Variants in GSE1 observed in about 807,000 individuals in gnomAD.
GSE1 encodes the protein Gse1 coiled-coil protein.
Under a neutral mutation model 112.6 loss-of-function variants are expected in GSE1, and 32 were observed. That is an observed-to-expected ratio of 0.28 (90% CI 0.21 to 0.38). The LOEUF (loss-of-function observed/expected upper bound fraction) is 0.38. Ranked by LOEUF, GSE1 falls within the 10% of genes least tolerant of loss-of-function variation. GSE1 has a pLI of 1.00. For synonymous variants in GSE1, 1,115 were observed against 735.6 expected, an observed-to-expected ratio of 1.52 and a Z score of -8.35; for missense variants, 2,348 against 1,699.2, an observed-to-expected ratio of 1.38 and a Z score of -6.71.
intron 1 of GSE1, among the ~76,000 whole-genome samples, chr16:85,328,015 G>A (rs1307683165): frequency 2.0e-5 from 3 of 152,202 alleles, no homozygotes. Flanking sequence ...CTGTGGTCAA[G>A]TGGACCCCCA....
At chr16:85,486,577 G>A (rs1020574201) in intron 2 of GSE1, among the ~76,000 whole-genome samples, 7 of 152,342 alleles carry the variant, frequency 4.6e-5, no homozygotes, top group East Asian at 3.9e-4. Flanking sequence ...GTGTGGAACC[G>A]TCCACGGCTC....
At chr16:85,277,712 A>T (rs543998393) in intron 1 of GSE1, among the ~76,000 whole-genome samples, 1 of 152,180 alleles carries the variant, frequency 6.6e-6, no homozygotes, top group African/African-American at 2.4e-5. Context: ...ACCCCTACAA[A>T]GCATCTCCTC....
chr16:85,626,692 TACAGAGC>T (rs1273568998), intron 1 of GSE1, among the ~76,000 whole-genome samples: 1 of 152,100 alleles, frequency 6.6e-6, no homozygotes, highest in East Asian at 1.9e-4. Context: ...AGCTTGTAAT[TACAGAGC>T]ACAGAGGGAG....
At chr16:85,364,290 C>T (rs1181048015) in intron 2 of GSE1, among the ~76,000 whole-genome samples, 1 of 152,190 alleles carries the variant, frequency 6.6e-6, no homozygotes, top group Admixed American at 6.5e-5. Flanking sequence ...CTTCTCCTGC[C>T]CCCCTCTCCT....
intron 1 of GSE1, among the ~76,000 whole-genome samples, chr16:85,315,955 C>G (rs2045977082): frequency 6.6e-6 from 1 of 152,208 alleles, no homozygotes; most frequent in Non-Finnish European, 1.5e-5. Flanking sequence ...GGAGCAGGAC[C>G]AGGCTGGAGG....
chr16:85,427,032 C>T (rs1435616222), intron 2 of GSE1, among the ~76,000 whole-genome samples: 3 of 152,122 alleles, frequency 2.0e-5, no homozygotes, highest in Admixed American at 6.5e-5. Flanking sequence ...AGGCTGTCCC[C>T]GCTTCTGTCC....
intron 1 of GSE1, among the ~76,000 whole-genome samples, chr16:85,307,810 C>G (rs1339438009): frequency 6.6e-6 from 1 of 152,194 alleles, no homozygotes; most frequent in Non-Finnish European, 1.5e-5. Flanking sequence ...GCTAAGCCCT[C>G]AGGTAAACAA....
intron 2 of GSE1, among the ~76,000 whole-genome samples, chr16:85,642,439 C>G (rs1308464798): frequency 6.6e-6 from 1 of 151,862 alleles, no homozygotes; most frequent in Non-Finnish European, 1.5e-5. Context: ...GGCACCTGCC[C>G]CTGCATGGTT....
At chr16:85,671,322 C>A (rs1015678476) in intron 15 of GSE1, among the ~76,000 whole-genome samples, 9 of 150,988 alleles carry the variant, frequency 6.0e-5, no homozygotes, top group African/African-American at 2.2e-4. Flanking sequence ...CGCCTGTAGT[C>A]CCAGCTACTT....
At chr16:85,248,476 G>A (rs1357062379) in intron 1 of GSE1, among the ~76,000 whole-genome samples, 4 of 147,022 alleles carry the variant, frequency 2.7e-5, no homozygotes, top group Admixed American at 1.4e-4. Flanking sequence ...TTTTCCCTCC[G>A]TCTTTCTCTC....
At chr16:85,469,942 C>T (rs906185557) in intron 2 of GSE1, among the ~76,000 whole-genome samples, 2 of 152,202 alleles carry the variant, frequency 1.3e-5, no homozygotes, top group Non-Finnish European at 2.9e-5. Flanking sequence ...CCCCAGGACC[C>T]CATCCTCACT....
At chr16:85,225,836 A>G (rs547357368) in intron 1 of GSE1, among the ~76,000 whole-genome samples, 1 of 152,354 alleles carries the variant, frequency 6.6e-6, no homozygotes, top group Admixed American at 6.5e-5. Context: ...TCTGTGTGAC[A>G]GAAATTAAGG....
At chr16:85,654,505 A>T in intron 4 of GSE1, 55 bp downstream of exon 4, 1 of 1,442,718 alleles carries the variant, frequency 6.9e-7, no homozygotes, top group Non-Finnish European at 9.5e-7. Flanking sequence ...CACAGTGCTC[A>T]GGGTCTGGGT....
At chr16:85,414,018 C>T (rs1440485222) in intron 2 of GSE1, among the ~76,000 whole-genome samples, 1 of 152,216 alleles carries the variant, frequency 6.6e-6, no homozygotes, top group Non-Finnish European at 1.5e-5. Context: ...CCTGAGGCCT[C>T]CCCAGCCATG....
chr16:85,626,412 T>A (rs142111048), intron 1 of GSE1, among the ~76,000 whole-genome samples: 250 of 152,330 alleles, frequency 1.6e-3, no homozygotes, highest in African/African-American at 5.6e-3. Context: ...CTTCGCCCCT[T>A]TGGGGGAGTG....
chr16:85,477,287 A>G (rs2050488405), intron 2 of GSE1, among the ~76,000 whole-genome samples: 1 of 152,174 alleles, frequency 6.6e-6, no homozygotes, highest in Non-Finnish European at 1.5e-5. Flanking sequence ...CGGGTGCCCA[A>G]AACACGTATA....
At chr16:85,473,504 GAGAGA>G (rs1372174187) in intron 2 of GSE1, among the ~76,000 whole-genome samples, 4 of 152,178 alleles carry the variant, frequency 2.6e-5, no homozygotes, top group Non-Finnish European at 5.9e-5. Flanking sequence ...CCAGGGCTCC[GAGAGA>G]AGACCCTCCC....
chr16:85,201,741 C>T (rs1405109745), intron 1 of GSE1, among the ~76,000 whole-genome samples: 1 of 152,172 alleles, frequency 6.6e-6, no homozygotes, highest in Non-Finnish European at 1.5e-5. Context: ...GGCCGTGCCC[C>T]ACAGTTCCAG....
chr16:85,246,433 CTACACACACACA>C (rs1567636265), intron 1 of GSE1, among the ~76,000 whole-genome samples: 1 of 45,426 alleles, frequency 2.2e-5, no homozygotes, highest in Admixed American at 2.3e-4. Context: ...CCCATGCTCT[CTACACACACACA>C]CACACACACA....
Sources: allele counts gnomAD v4.1 joint callset (sites outside exome capture counted in the v4.1 genomes callset), GRCh38; gene constraint gnomAD v4.1.1; transcripts MANE v1.5; gene names NCBI Gene and HGNC (gene_info 2026-07-23, HGNC 2026-07-21).